Variants in TMCO4 observed in about 807,000 individuals in gnomAD.
TMCO4 encodes the protein transmembrane and coiled-coil domain-containing protein 4.
In TMCO4, 58 loss-of-function variants were observed where a neutral mutation model predicts 64.7. The ratio of observed to expected loss-of-function variants is 0.90; its 90% confidence interval spans 0.73 to 1.12. The LOEUF (loss-of-function observed/expected upper bound fraction) is 1.12. TMCO4 is among the 50% of genes most tolerant of loss of function. The probability of loss-of-function intolerance (pLI) is 0.00; values close to 1 mark genes in which losing one functional copy is unlikely to be tolerated. For synonymous variants in TMCO4, 325 were observed against 346.1 expected (o/e 0.94, Z 0.68); for missense variants, 780 against 825.9 (o/e 0.94, Z 0.68).
At chr1:19,770,816 G>A (rs1432158317) in intron 5 of TMCO4, among the ~76,000 whole-genome samples, 3 of 152,190 alleles carry the variant, frequency 2.0e-5, no homozygotes, top group Non-Finnish European at 4.4e-5. Context: ...AACAGTCTGC[G>A]TCACAAGCTT....
chr1:19,793,198 T>C (rs1033296991), intron 2 of TMCO4, among the ~76,000 whole-genome samples: 2 of 151,850 alleles, frequency 1.3e-5, no homozygotes, highest in Middle Eastern at 3.4e-3. Flanking sequence ...TTTCTCTCTC[T>C]CTCCTTTTTC....
At chr1:19,791,168 G>T (rs1446211671) in intron 2 of TMCO4, among the ~76,000 whole-genome samples, 2 of 152,108 alleles carry the variant, frequency 1.3e-5, no homozygotes, top group Non-Finnish European at 2.9e-5. Context: ...GGTGGGATGC[G>T]AGGAGAGAGA....
intron 13 of TMCO4, among the ~76,000 whole-genome samples, chr1:19,709,470 A>C (rs909684411): frequency 1.3e-5 from 2 of 152,160 alleles, no homozygotes; most frequent in Admixed American, 1.3e-4. Context: ...TGGAGATGAA[A>C]GAGCCAGCTG....
Position 19,682,851 on chromosome 1 carries a change from G to T in TMCO4, c.*189C>A. 1.2e-6 allele frequency: 1 copy of T among 855,152 alleles called. No homozygotes were observed. The highest frequency in any genetic ancestry group is 1.9e-6 in the Non-Finnish European group (1 of 535,820). 53.0% of individuals were successfully genotyped at this position (855,152 alleles called of 1,614,324 possible). A position where few individuals can be genotyped will look rare whatever the true frequency, so the allele number is the denominator to read the frequency against. ...CCTCTGGGGACAGGCAGCTTCCCAA[G>T]GGTGGGCGTGTTCTCTCCTCCAAAT... is the stretch of plus-strand genomic sequence containing the variant. On this transcript the variant is annotated 3_prime_UTR_variant, in exon 16 of 16. Transcript: ENST00000294543.
chr1:19,798,571 C>T (rs1362005456), intron 1 of TMCO4, among the ~76,000 whole-genome samples: 6 of 152,220 alleles, frequency 3.9e-5, no homozygotes, highest in African/African-American at 1.4e-4. Flanking sequence ...TTTAACTTGC[C>T]TGATCCCACT....
chr1:19,691,579 T>G (rs1212592365), intron 15 of TMCO4, among the ~76,000 whole-genome samples: 1 of 152,194 alleles, frequency 6.6e-6, no homozygotes, highest in Non-Finnish European at 1.5e-5. Context: ...GAGGCCTAGC[T>G]TCATTGGCCA....
intron 13 of TMCO4, among the ~76,000 whole-genome samples, chr1:19,709,794 CT>C (rs796672415): frequency 1.2e-3 from 161 of 134,496 alleles, no homozygotes; most frequent in Admixed American, 1.5e-3. Flanking sequence ...TCTTTTCTTT[CT>C]TTTTTTTTTT....
chr1:19,684,149 G>C (rs2095128863), intron 15 of TMCO4, among the ~76,000 whole-genome samples: 1 of 136,822 alleles, frequency 7.3e-6, no homozygotes, highest in East Asian at 2.3e-4. Context: ...CAGAGAGAGA[G>C]AGAGATGGGT....
In TMCO4 at chr1:19,747,274, G is replaced by C. The variant is rs750642876; in HGVS notation, c.516-14C>G. On this transcript the variant is annotated splice_polypyrimidine_tract_variant and intron_variant, in intron 7 of 15. Transcript: ENST00000294543. Reference sequence around the variant, plus strand: ...GCCTCGGCCATTCTGAGGGAAAAGAGGCTGGTCTTTAGGGCCAGCTGTGCC... The same window carrying C: ...GCCTCGGCCATTCTGAGGGAAAAGACGCTGGTCTTTAGGGCCAGCTGTGCC... 21 of 1,610,740 alleles carry C rather than the reference G, an allele frequency of 1.3e-5. No homozygotes were observed. The African/African-American group carries it at 1.9e-4, about 14-fold the overall frequency.
intron 2 of TMCO4, among the ~76,000 whole-genome samples, chr1:19,789,454 A>G (rs972300782): frequency 1.3e-5 from 2 of 152,112 alleles, no homozygotes; most frequent in African/African-American, 2.4e-5. Flanking sequence ...ACAGAGCAAA[A>G]AGATCAGAAG....
At chr1:19,756,856 C>G (rs189077978) in intron 6 of TMCO4, among the ~76,000 whole-genome samples, 210 of 152,024 alleles carry the variant, frequency 1.4e-3, no homozygotes, top group African/African-American at 5.0e-3. Context: ...AAAAAAGACA[C>G]AGTTCTGTTT....
At chr1:19,795,517 T>G (rs576627110) in intron 2 of TMCO4, among the ~76,000 whole-genome samples, 1 of 152,208 alleles carries the variant, frequency 6.6e-6, no homozygotes, top group South Asian at 2.1e-4. Flanking sequence ...TAAAAAAAAT[T>G]TAAACATTTA....
At chr1:19,794,628 C>G (rs185674736) in intron 2 of TMCO4, among the ~76,000 whole-genome samples, 1 of 152,298 alleles carries the variant, frequency 6.6e-6, no homozygotes, top group Admixed American at 6.5e-5. Flanking sequence ...AGCACATGTT[C>G]CAGCAACGCC....
At chr1:19,782,293 A>G (rs1557618066) in intron 3 of TMCO4, among the ~76,000 whole-genome samples, 1 of 152,208 alleles carries the variant, frequency 6.6e-6, no homozygotes, top group African/African-American at 2.4e-5. Context: ...CATTCACGAG[A>G]GAGTACCTAC....
chr1:19,682,824 C>A lies in TMCO4; in HGVS notation c.*216G>T, dbSNP rs913033068. On this transcript the variant is annotated 3_prime_UTR_variant, in exon 16 of 16. Transcript: ENST00000294543. The stretch of plus-strand genomic sequence containing the variant: ...AGGGGGCAGCTGCTCCCTGGTGGGG[C>A]TCCTCTGGGGACAGGCAGCTTCCCA... 2.7e-6 allele frequency: 2 copies of A among 745,486 alleles called. No homozygotes were observed. Among genetic ancestry groups the A allele is most frequent in the African/African-American group, 3.5e-5 (2 of 57,818 alleles). 46.2% of individuals were successfully genotyped at this position (745,486 alleles called of 1,614,324 possible).
At chr1:19,697,679 C>G (rs183015613) in intron 14 of TMCO4, among the ~76,000 whole-genome samples, 1,739 of 139,346 alleles carry the variant, frequency 0.012, 17 homozygotes, top group Non-Finnish European at 0.021. Context: ...GCTCATTGTA[C>G]CCTCTGCCTC....
In TMCO4 at chr1:19,696,303, A is replaced by T. The variant is rs560332033; in HGVS notation, c.1383-1752T>A. Among the ~76,000 whole-genome samples the T allele has an allele frequency of 9.8e-5, 15 of 152,298 alleles. 1 individual carries two copies. The South Asian group carries it at 1.0e-3, about 11-fold the overall frequency. On this transcript the variant is annotated intron_variant, in intron 14 of 15. Coordinates refer to ENST00000294543, the MANE Select transcript of TMCO4 (RefSeq NM_181719.7). ...GGTGGCTCACGCCTGTAATCCCAGC[A>T]TTTTGGGAGGCTGAGGTGGGAGGAT...
chr1:19,799,837 C>T lies in TMCO4; in HGVS notation c.-180+18G>A, dbSNP rs1392861841. The T allele has an allele frequency of 1.3e-5, 2 of 151,994 alleles. No homozygotes were observed. The highest frequency in any genetic ancestry group is 4.8e-5 in the African/African-American group (2 of 41,420). 9.4% of individuals were successfully genotyped at this position (151,994 alleles called of 1,614,324 possible). A position where few individuals can be genotyped will look rare whatever the true frequency, so the allele number is the denominator to read the frequency against. The stretch of plus-strand genomic sequence containing the variant: ...TGCGCGCCACCGTGGCCTGGCGGCT[C>T]CTCCGGGGCCCCCTTACCTGGAGGC... On this transcript the variant is annotated intron_variant, in intron 1 of 15. Transcript: ENST00000294543.
intron 8 of TMCO4, 116 bp from the exon 9 acceptor site, chr1:19,746,715 G>C: frequency 7.7e-7 from 1 of 1,298,614 alleles, no homozygotes; most frequent in Non-Finnish European, 1.1e-6. Flanking sequence ...ACGAGGTCAG[G>C]AGATCGAGAC....
Sources: allele counts gnomAD v4.1 joint callset (sites outside exome capture counted in the v4.1 genomes callset), GRCh38; gene constraint gnomAD v4.1.1; transcripts MANE v1.5; gene names NCBI Gene and HGNC (gene_info 2026-07-23, HGNC 2026-07-21).